Variants in RAD54B observed in about 807,000 individuals in gnomAD.
The protein encoded by RAD54B is RAD54 homolog B.
Under a neutral mutation model 95.8 loss-of-function variants are expected in RAD54B, and 78 were observed. That is an observed-to-expected ratio of 0.81 (90% CI 0.68 to 0.98). The LOEUF (loss-of-function observed/expected upper bound fraction) is 0.98, where lower values mean the gene tolerates loss of function less well. Among genes scored for constraint, RAD54B ranks in the 50% least tolerant of loss-of-function variants. RAD54B has a pLI of 0.00. For synonymous variants in RAD54B, 328 were observed against 354.9 expected (o/e 0.92, Z 0.85); for missense variants, 957 against 1,056.6 (o/e 0.91, Z 1.31).
At chr8:94,468,314 C>T (rs1813078912) in intron 1 of RAD54B, among the ~76,000 whole-genome samples, 1 of 152,134 alleles carries the variant, frequency 6.6e-6, no homozygotes, top group Admixed American at 6.5e-5. Flanking sequence ...CAATAAACGC[C>T]TCACTTTCTC....
At chr8:94,406,138 G>A (rs1429837096) in intron 5 of RAD54B, among the ~76,000 whole-genome samples, 1 of 151,648 alleles carries the variant, frequency 6.6e-6, no homozygotes, top group East Asian at 1.9e-4. Flanking sequence ...GTATTTCCTG[G>A]AAAGAGTATA....
At chr8:94,459,131 G>T (rs1038158089) in intron 2 of RAD54B, among the ~76,000 whole-genome samples, 10 of 151,960 alleles carry the variant, frequency 6.6e-5, no homozygotes, top group African/African-American at 2.4e-4. Flanking sequence ...ATCTCACTAT[G>T]TTGGGTTTTT....
chr8:94,378,066 AAACT>A lies in RAD54B; in HGVS notation c.2515+110_2515+113del, dbSNP rs2129948734. 12 of 778,422 alleles carry A rather than the reference AAACT, an allele frequency of 1.5e-5. No individual in the cohort carries two copies. In the South Asian group the frequency reaches 1.9e-4, roughly 12 times the overall value. 48.2% of individuals were successfully genotyped at this position (778,422 alleles called of 1,614,324 possible). On this transcript the variant is annotated intron_variant, in intron 14 of 14. Transcript: ENST00000336148. Reference sequence around the variant, plus strand: ...TGCCCTATGAGCTGAGAAAAAAATAAAACTAACATATGCAAATGGTAAATATTAT... The same window carrying A: ...TGCCCTATGAGCTGAGAAAAAAATAAAACATATGCAAATGGTAAATATTAT...
intron 10 of RAD54B, among the ~76,000 whole-genome samples, chr8:94,388,288 C>G (rs1810939732): frequency 2.0e-5 from 3 of 152,156 alleles, no homozygotes; most frequent in Admixed American, 2.0e-4. Context: ...TTGTGAGGAT[C>G]TACTTCCACT....
intron 1 of RAD54B, among the ~76,000 whole-genome samples, chr8:94,468,856 G>A (rs1461488335): frequency 6.6e-6 from 1 of 151,954 alleles, no homozygotes; most frequent in Non-Finnish European, 1.5e-5. Flanking sequence ...GAGCTTGGTG[G>A]TGCATGCCTG....
At chr8:94,397,636 T>G (rs1199801958) in intron 8 of RAD54B, among the ~76,000 whole-genome samples, 1 of 152,168 alleles carries the variant, frequency 6.6e-6, no homozygotes, top group Non-Finnish European at 1.5e-5. Context: ...TATATATTTT[T>G]GCTACAGAAA....
intron 3 of RAD54B, among the ~76,000 whole-genome samples, chr8:94,414,038 G>C (rs1427536656): frequency 6.6e-6 from 1 of 151,950 alleles, no homozygotes; most frequent in African/African-American, 2.4e-5. Context: ...GTTTCACCAG[G>C]TTGGCCAGGC....
chr8:94,439,283 TAA>T (rs746404712), intron 3 of RAD54B, among the ~76,000 whole-genome samples: 6 of 152,076 alleles, frequency 3.9e-5, no homozygotes, highest in Non-Finnish European at 8.8e-5. Context: ...CTTAGAAAAA[TAA>T]AATGCACACG....
chr8:94,390,026 AC>A (rs1469326802), intron 10 of RAD54B, among the ~76,000 whole-genome samples: 1 of 152,084 alleles, frequency 6.6e-6, no homozygotes, highest in African/African-American at 2.4e-5. Flanking sequence ...GATTTTTATC[AC>A]TGTATATAGA....
intron 6 of RAD54B, among the ~76,000 whole-genome samples, chr8:94,401,556 G>A (rs948687225): frequency 2.6e-5 from 4 of 152,036 alleles, no homozygotes; most frequent in Non-Finnish European, 4.4e-5. Flanking sequence ...TCCAGTCAAC[G>A]GTAGTTTATT....
intron 5 of RAD54B, 60 bp from the exon 6 acceptor site, chr8:94,404,299 C>A (rs1269781202): frequency 6.4e-6 from 9 of 1,413,076 alleles, no homozygotes; most frequent in Non-Finnish European, 8.5e-6. Flanking sequence ...CCAACATTAT[C>A]TTGTTTTCAT....
chr8:94,403,445 G>A (rs1282154874), intron 6 of RAD54B, among the ~76,000 whole-genome samples: 1 of 152,138 alleles, frequency 6.6e-6, no homozygotes, highest in East Asian at 1.9e-4. Flanking sequence ...GGGAGGCTGA[G>A]GTGGGTGGAT....
chr8:94,440,176 C>G (rs1294213530), intron 3 of RAD54B, among the ~76,000 whole-genome samples: 10 of 150,274 alleles, frequency 6.7e-5, no homozygotes, highest in African/African-American at 2.0e-4. Flanking sequence ...TCCCCAGACC[C>G]CTTAGATAGG....
intron 3 of RAD54B, among the ~76,000 whole-genome samples, chr8:94,422,651 T>TATATATATATATATATATATAAAA (rs556821145): frequency 1.1e-5 from 1 of 88,908 alleles, no homozygotes; most frequent in Non-Finnish European, 2.2e-5. Flanking sequence ...TATATATATA[T>TATATATATATATATATATATAAAA]ATAAAATTAT....
At position 94,417,391 on chromosome 8, in the gene RAD54B, T is replaced by C. The variant is rs138470697; in HGVS notation, c.305-6076A>G. 6.6e-3 allele frequency among the ~76,000 whole-genome samples: 1,001 copies of C among 151,818 alleles called. 5 individuals carry two copies. The highest frequency in any genetic ancestry group is 0.011 in the Non-Finnish European group (720 of 67,964). On this transcript the variant is annotated intron_variant, in intron 3 of 14. Coordinates refer to ENST00000336148, the MANE Select transcript of RAD54B (RefSeq NM_012415.3). ...TTGTACACTTTACATGACTGAATCA[T>C]AGGGTATGTTAATTGTATCTCAATA...
intron 14 of RAD54B, among the ~76,000 whole-genome samples, chr8:94,377,869 G>A (rs1016728479): frequency 2.7e-5 from 4 of 147,512 alleles, no homozygotes; most frequent in Admixed American, 1.4e-4. Flanking sequence ...CCAGCTACTC[G>A]GGAGGCTGAG....
intron 8 of RAD54B, among the ~76,000 whole-genome samples, chr8:94,395,872 A>C (rs781688245): frequency 2.0e-5 from 3 of 152,202 alleles, no homozygotes; most frequent in Non-Finnish European, 4.4e-5. Context: ...ATCCTTGATG[A>C]CAACGTTGGG....
intron 2 of RAD54B, among the ~76,000 whole-genome samples, chr8:94,461,582 A>G (rs1303295889): frequency 6.6e-6 from 1 of 152,184 alleles, no homozygotes; most frequent in African/African-American, 2.4e-5. Context: ...TAAGTCAACT[A>G]ATGAAGGTCA....
chr8:94,377,545 GAAAAAAAA>G lies in RAD54B; in HGVS notation c.2515+627_2515+634del, dbSNP rs71273330. On this transcript the variant is annotated intron_variant, in intron 14 of 14. Transcript: ENST00000336148. ...AGCAACAGAGCCAGACCCTGTCTTG[GAAAAAAAA>G]AAAAAAAAAAAAAAAAAAAAAAAAA... 6.2e-4 allele frequency among the ~76,000 whole-genome samples: 44 copies of G among 70,580 alleles called. 1 individual carries two copies. The highest frequency in any genetic ancestry group is 2.9e-3 in the African/African-American group (40 of 13,910). 46.3% of individuals were successfully genotyped at this position (70,580 alleles called of 152,430 possible).
Sources: allele counts gnomAD v4.1 joint callset (sites outside exome capture counted in the v4.1 genomes callset), GRCh38; gene constraint gnomAD v4.1.1; transcripts MANE v1.5; gene names NCBI Gene and HGNC (gene_info 2026-07-23, HGNC 2026-07-21).